SLC26A11: variants seen among roughly 807,000 people sequenced by gnomAD.
The protein encoded by SLC26A11 is sodium-independent sulfate anion transporter.
Under a neutral mutation model 62.2 loss-of-function variants are expected in SLC26A11, and 58 were observed. The observed-to-expected ratio is 0.93, with a 90% confidence interval of 0.76 to 1.16. The LOEUF is 1.16. Among genes scored for constraint, SLC26A11 ranks in the 50% most tolerant of loss-of-function variants. The pLI is 0.00. For synonymous variants in SLC26A11, 411 were observed against 368.9 expected (o/e 1.11, Z -1.31); for missense variants, 790 against 794.3 (o/e 0.99, Z 0.06).
At chr17:80,251,103 G>T (rs2043143132) in intron 16 of SLC26A11, among the ~76,000 whole-genome samples, 1 of 151,950 alleles carries the variant, frequency 6.6e-6, no homozygotes, top group Admixed American at 6.6e-5. Context: ...CTGCACTCCA[G>T]CCTGAGCAAT....
Position 80,248,647 on chromosome 17 carries a change from G to A in SLC26A11, c.1495G>A (p.Glu499Lys). 3.8e-6 allele frequency: 6 copies of A among 1,580,958 alleles called. No individual in the cohort carries two copies. Among genetic ancestry groups the A allele is most frequent in the Non-Finnish European group, 5.2e-6 (6 of 1,163,514 alleles). The change falls in exon 15 of 18, where the codon GAG becomes AAG. Residue 499 changes from glutamate to lysine, a missense_variant. Coordinates refer to ENST00000361193, the MANE Select transcript of SLC26A11 (RefSeq NM_001166347.2). ...LSFPAMEALREEILSRALEVS... is the reference protein window; with the variant it reads ...LSFPAMEALRKEILSRALEVS... ...CTTCCCTGCCATGGAGGCTCTGCGG[G>A]AGGAGATCCTAAGCCGGGCCCTGGA...
At chr17:80,247,900 G>A (rs776136134) in intron 13 of SLC26A11, among the ~76,000 whole-genome samples, 3 of 152,212 alleles carry the variant, frequency 2.0e-5, no homozygotes, top group East Asian at 3.9e-4. Flanking sequence ...GCCAGGGACC[G>A]GCCGGCAGGT....
intron 15 of SLC26A11, 43 bp from the exon 16 acceptor site, chr17:80,249,111 G>A: frequency 6.3e-7 from 1 of 1,588,342 alleles, no homozygotes; most frequent in East Asian, 2.3e-5. Context: ...GCAGCTTTGG[G>A]CTGCTCTGGG....
In SLC26A11 at chr17:80,222,555, C is replaced by T; in HGVS notation, c.235-100C>T. ...GGTGCACCTTTAACCTGGGCCTGGA[C>T]ACAGCTGACACCCACACATCCCGAG... is the stretch of plus-strand genomic sequence containing the variant. On this transcript the variant is annotated intron_variant, in intron 3 of 17. Transcript: ENST00000361193. The surrounding 1 kb of genome is among the most constrained non-coding windows in gnomAD (Gnocchi z 4.7). 7.8e-7 allele frequency: 1 copy of T among 1,279,096 alleles called. No homozygotes were observed. Among genetic ancestry groups the T allele is most frequent in the Non-Finnish European group, 1.1e-6 (1 of 902,962 alleles). The allele number at this position is 1,279,096 out of a possible 1,614,324, so 79.2% of individuals were successfully genotyped here.
chr17:80,242,512 G>T (rs187027824), intron 10 of SLC26A11, among the ~76,000 whole-genome samples: 1 of 152,162 alleles, frequency 6.6e-6, no homozygotes, highest in Middle Eastern at 3.2e-3. Context: ...CGGGGGAATC[G>T]AGAGGAGTCT....
chr17:80,222,957 G>T lies in SLC26A11; in HGVS notation c.427+110G>T. On this transcript the variant is annotated intron_variant, in intron 4 of 17. Transcript: ENST00000361193. This position sits in a 1 kb window ranked among gnomAD's most constrained non-coding sequence, Gnocchi z 4.7. ...TGTGTGCGTGTTGGGGTGTGGGTAT[G>T]TATGTGTGTGTGTGTAGGTGGGTGG... 8 of 865,598 alleles carry T rather than the reference G, an allele frequency of 9.2e-6. No individual in the cohort carries two copies. The highest frequency in any genetic ancestry group is 1.1e-5 in the Non-Finnish European group (6 of 571,406). 53.6% of individuals were successfully genotyped at this position (865,598 alleles called of 1,614,324 possible).
Position 80,246,753 on chromosome 17 carries a change from G to A in SLC26A11, c.1294+104G>A, listed in dbSNP as rs1443992844. The A allele has an allele frequency of 2.1e-6, 3 of 1,437,778 alleles. No homozygotes were observed. Among genetic ancestry groups the A allele is most frequent in the Non-Finnish European group, 2.8e-6 (3 of 1,067,222 alleles). 89.1% of individuals were successfully genotyped at this position (1,437,778 alleles called of 1,614,324 possible). On this transcript the variant is annotated intron_variant, in intron 13 of 17. Coordinates refer to ENST00000361193, the MANE Select transcript of SLC26A11 (RefSeq NM_001166347.2). The surrounding 1 kb of genome is among the most constrained non-coding windows in gnomAD (Gnocchi z 4.4). ...TCCTGCAGCCCCCTCTGTGGGGCTG[G>A]GACTGGGAAGTTAGGGCAGTCCCGG...
intron 9 of SLC26A11, 145 bp from the exon 10 acceptor site, chr17:80,241,626 T>C (rs755875704): frequency 2.5e-5 from 20 of 812,758 alleles, no homozygotes; most frequent in Non-Finnish European, 4.2e-5. Flanking sequence ...CACGCACATA[T>C]ATGTGAATAT....
Position 80,228,098 on chromosome 17 carries a change from A to C in SLC26A11, c.736+138A>C. 1 of 621,818 alleles carries C rather than the reference A, an allele frequency of 1.6e-6. No homozygotes were observed. The highest frequency in any genetic ancestry group is 2.8e-5 in the East Asian group (1 of 35,644). The allele number at this position is 621,818 out of a possible 1,614,324, so 38.5% of individuals were successfully genotyped here. ...AGCATTGGGACATTTAAAACACCAC[A>C]CCAAACTCTGGGACATGTACTTTTT... On this transcript the variant is annotated intron_variant, in intron 7 of 17. Coordinates refer to ENST00000361193, the MANE Select transcript of SLC26A11 (RefSeq NM_001166347.2). The surrounding 1 kb of genome is among the most constrained non-coding windows in gnomAD (Gnocchi z 4.1).
chr17:80,232,643 A>G (rs561091246), intron 7 of SLC26A11, among the ~76,000 whole-genome samples: 5 of 152,322 alleles, frequency 3.3e-5, no homozygotes, highest in African/African-American at 1.2e-4. Context: ...TAATCTCATA[A>G]TCTCTGCCTT....
At chr17:80,227,431 C>G (rs2042441253) in intron 6 of SLC26A11, among the ~76,000 whole-genome samples, 1 of 152,184 alleles carries the variant, frequency 6.6e-6, no homozygotes, top group Non-Finnish European at 1.5e-5. Flanking sequence ...AAAATGTGAG[C>G]ACGTCGCTCT....
chr17:80,237,573 A>G lies in SLC26A11; in HGVS notation c.964A>G (p.Ile322Val), dbSNP rs1172613201. Residue 322 changes from isoleucine (I) to valine (V), a missense_variant, in exon 9 of 18, where the codon ATT becomes GTT. Ile to Val is a conservative substitution (Grantham distance 29). Transcript: ENST00000361193. ...GCCCCTGATGGGCCTCCTGGAGAGC[A>G]TTGCGGTGGCCAAAGCCTTCGGTAA... is the stretch of plus-strand genomic sequence containing the variant. ...VVPLMGLLES[I>V]AVAKAFASQN... 3 of 1,612,020 alleles carry G rather than the reference A, an allele frequency of 1.9e-6. No individual in the cohort carries two copies. Among genetic ancestry groups the G allele is most frequent in the East Asian group, 2.2e-5 (1 of 44,850 alleles).
chr17:80,239,458 C>T (rs762255723), intron 9 of SLC26A11, among the ~76,000 whole-genome samples: 19 of 149,126 alleles, frequency 1.3e-4, no homozygotes, highest in African/African-American at 4.3e-4. Context: ...GGCGTGATCT[C>T]GGCTCACTGC....
chr17:80,224,272 AGTGAGTGCGTGTG>A (rs2042316211), intron 5 of SLC26A11, among the ~76,000 whole-genome samples: 4 of 110,058 alleles, frequency 3.6e-5, no homozygotes, highest in African/African-American at 1.3e-4. Context: ...TGCGTGTGTG[AGTGAGTGCGTGTG>A]TGAGTGAGTG....
intron 10 of SLC26A11, among the ~76,000 whole-genome samples, chr17:80,243,011 G>A (rs1267988888): frequency 6.6e-6 from 1 of 152,098 alleles, no homozygotes; most frequent in African/African-American, 2.4e-5. Context: ...CTGGCCCAGT[G>A]TGAATCTTAA....
At position 80,223,390 on chromosome 17, in the gene SLC26A11, C is replaced by G. The variant is rs2042279448; in HGVS notation, c.513+53C>G. ...GCTCTTTGGCCACTGCTCGTTGGCA[C>G]AGGGATGGCGGGAGCAGGACTGAGG... On this transcript the variant is annotated intron_variant, in intron 5 of 17. Coordinates refer to ENST00000361193, the MANE Select transcript of SLC26A11 (RefSeq NM_001166347.2). This position sits in a 1 kb window ranked among gnomAD's most constrained non-coding sequence, Gnocchi z 4.6. 5 of 1,558,136 alleles carry G rather than the reference C, an allele frequency of 3.2e-6. No individual in the cohort carries two copies. The highest frequency in any genetic ancestry group is 4.4e-6 in the Non-Finnish European group (5 of 1,133,502).
At chr17:80,245,516 C>T (rs1567964621) in intron 11 of SLC26A11, 2 of 475,938 alleles carry the variant, frequency 4.2e-6, no homozygotes, top group Admixed American at 3.3e-5. Context: ...ACTCTGGAGG[C>T]GGAAGCAGGA....
intron 5 of SLC26A11, among the ~76,000 whole-genome samples, chr17:80,225,187 C>A (rs906087689): frequency 6.6e-6 from 1 of 152,040 alleles, no homozygotes; most frequent in African/African-American, 2.4e-5. Flanking sequence ...AACCCCCCGC[C>A]GCTCTCTAAA....
intron 14 of SLC26A11, 86 bp from the exon 15 acceptor site, chr17:80,248,489 G>GAAGGA: frequency 7.1e-7 from 1 of 1,409,014 alleles, no homozygotes; most frequent in South Asian, 1.3e-5. Flanking sequence ...ACACTAGGTT[G>GAAGGA]GGTGGGGGCT....
Sources: gnomAD v4.1 joint callset for allele counts (sites outside exome capture counted in the v4.1 genomes callset) on GRCh38, gnomAD v4.1.1 for gene constraint, Gnocchi (gnomAD v3.1) non-coding constraint, MANE v1.5 for transcripts, NCBI Gene and HGNC (gene_info 2026-07-23, HGNC 2026-07-21) for gene names.